Variants in MAF observed in about 807,000 individuals in gnomAD.
MAF encodes the protein MAF bZIP transcription factor, also known as transcription factor Maf.
In MAF, 10 loss-of-function variants were observed where a neutral mutation model predicts 22.0. The ratio of observed to expected loss-of-function variants is 0.45; its 90% CI spans 0.28 to 0.77. The LOEUF (loss-of-function observed/expected upper bound fraction) is 0.77. MAF is among the 30% of genes least tolerant of loss of function. The pLI, the probability that MAF is intolerant of heterozygous loss-of-function variation, is 0.12. For missense variants in MAF, 544 were observed against 548.4 expected, an observed-to-expected ratio of 0.99 and a Z score of 0.08; for synonymous variants, 337 against 255.8, an observed-to-expected ratio of 1.32 and a Z score of -3.03.
At chr16:79,445,433 AC>A in the MAF span, among the ~76,000 whole-genome samples, 2 of 152,294 alleles carry the variant, frequency 1.3e-5, no homozygotes, top group East Asian at 3.9e-4. Context: ...AACCCTTTTT[AC>A]AAATGAGGAG....
At chr16:79,293,906 G>T in the MAF span, among the ~76,000 whole-genome samples, 3 of 152,232 alleles carry the variant, frequency 2.0e-5, no homozygotes, top group Non-Finnish European at 4.4e-5. Context: ...CTCTATCTGA[G>T]AATGTGATCA....
chr16:79,542,601 T>C, the MAF span, among the ~76,000 whole-genome samples: 1 of 152,200 alleles, frequency 6.6e-6, no homozygotes, highest in African/African-American at 2.4e-5. Context: ...GTCTCCACTC[T>C]GGGTACAGTG....
At chr16:79,593,603 G>C (rs1013204429), downstream of MAF, among the ~76,000 whole-genome samples, 1 of 152,196 alleles carries the variant, frequency 6.6e-6, no homozygotes, top group Admixed American at 6.5e-5. Context: ...GGTAGTTATG[G>C]CTTTGAGACA....
chr16:79,459,174 C>T, the MAF span, among the ~76,000 whole-genome samples: 1 of 152,188 alleles, frequency 6.6e-6, no homozygotes, highest in Non-Finnish European at 1.5e-5. Context: ...CTGGGGTCAA[C>T]TACAGATTTG....
the MAF span, among the ~76,000 whole-genome samples, chr16:79,451,522 A>C: frequency 1.2e-4 from 18 of 152,192 alleles, no homozygotes; most frequent in Non-Finnish European, 2.4e-4. Flanking sequence ...AAGCTCTTTC[A>C]ATGTTATTTT....
chr16:79,243,595 G>T, the MAF span, among the ~76,000 whole-genome samples: 1 of 152,096 alleles, frequency 6.6e-6, no homozygotes, highest in East Asian at 1.9e-4. Flanking sequence ...ACGAAAAAAA[G>T]TCTAGGACCA....
At chr16:79,506,541 C>G in the MAF span, among the ~76,000 whole-genome samples, 1 of 152,180 alleles carries the variant, frequency 6.6e-6, no homozygotes, top group Non-Finnish European at 1.5e-5. Context: ...TGGGGAAGAC[C>G]TGAAACCAGG....
At chr16:79,470,754 C>T in the MAF span, among the ~76,000 whole-genome samples, 1 of 152,158 alleles carries the variant, frequency 6.6e-6, no homozygotes, top group Non-Finnish European at 1.5e-5. Context: ...CCATAGAAGG[C>T]ACTCCCTCTT....
At chr16:79,310,656 A>T in the MAF span, among the ~76,000 whole-genome samples, 8,596 of 152,030 alleles carry the variant, frequency 0.057, 512 homozygotes, top group East Asian at 0.22. Flanking sequence ...ACGAACTGAG[A>T]TCCCTTCTTT....
At chr16:79,552,258 G>C in the MAF span, among the ~76,000 whole-genome samples, 1 of 151,676 alleles carries the variant, frequency 6.6e-6, no homozygotes, top group Non-Finnish European at 1.5e-5. Flanking sequence ...GTGTCACCCA[G>C]ATTGGAGTGC....
At chr16:79,226,184 G>C in the MAF span, among the ~76,000 whole-genome samples, 2 of 152,182 alleles carry the variant, frequency 1.3e-5, no homozygotes, top group Non-Finnish European at 1.5e-5. Flanking sequence ...ATATACCATG[G>C]AATACTATGC....
At chr16:79,496,948 G>A in the MAF span, among the ~76,000 whole-genome samples, 1 of 152,172 alleles carries the variant, frequency 6.6e-6, no homozygotes, top group Non-Finnish European at 1.5e-5. Context: ...GAGAATATTG[G>A]TTGATGTAAT....
At chr16:79,589,537 A>G (rs1450572510), downstream of MAF, among the ~76,000 whole-genome samples, 1 of 152,196 alleles carries the variant, frequency 6.6e-6, no homozygotes, top group Non-Finnish European at 1.5e-5. Flanking sequence ...GAAAACTAAT[A>G]GAAGAAAAAT....
chr16:79,411,604 G>A, the MAF span, among the ~76,000 whole-genome samples: 25 of 152,168 alleles, frequency 1.6e-4, no homozygotes, highest in African/African-American at 6.0e-4. Context: ...ATAAATTGAG[G>A]TGAATCACCT....
chr16:79,432,021 G>A, the MAF span, among the ~76,000 whole-genome samples: 1 of 151,462 alleles, frequency 6.6e-6, no homozygotes, highest in South Asian at 2.1e-4. Flanking sequence ...CCTATGATGT[G>A]GTTTGACTGT....
At chr16:79,259,218 G>A in the MAF span, among the ~76,000 whole-genome samples, 17 of 152,240 alleles carry the variant, frequency 1.1e-4, no homozygotes, top group Non-Finnish European at 1.8e-4. Context: ...GCTCTGCTCA[G>A]TCCCCTTGGC....
Position 79,599,377 on chromosome 16 carries a change from C to T in MAF, c.526G>A (p.Gly176Ser). 2.0e-6 allele frequency: 2 copies of T among 1,007,218 alleles called. No individual in the cohort carries two copies. Among genetic ancestry groups the T allele is most frequent in the Non-Finnish European group, 2.4e-6 (2 of 846,236 alleles). 62.4% of individuals were successfully genotyped at this position (1,007,218 alleles called of 1,614,324 possible). The change falls in exon 1 of 2, where the codon GGC becomes AGC. Residue 176 changes from glycine (G) to serine (S), a missense_variant. This residue lies in a region of MAF where 342 missense variants were observed against 315.5 expected (regional missense o/e 1.08). Coordinates refer to ENST00000326043, the MANE Select transcript of MAF (RefSeq NM_005360.5). ...AVIAAAAAQSGAGPHYHHHHH... is the reference protein window; with the variant it reads ...AVIAAAAAQSSAGPHYHHHHH... ...TGGTGGTGGTAGTGCGGGCCCGCGC[C>T]GCTCTGCGCGGCGGCCGCGGCGATC...
the MAF span, among the ~76,000 whole-genome samples, chr16:79,408,059 T>C: frequency 8.8e-6 from 1 of 113,294 alleles, no homozygotes; most frequent in Non-Finnish European, 1.7e-5. Context: ...TAACTACATG[T>C]ATTTGGCTTT....
chr16:79,222,637 A>C, the MAF span, among the ~76,000 whole-genome samples: 3 of 152,306 alleles, frequency 2.0e-5, no homozygotes, highest in East Asian at 3.9e-4. Flanking sequence ...AACCCATCTC[A>C]CGTGCAGAGA....
Sources: gnomAD v4.1 joint callset for allele counts (sites outside exome capture counted in the v4.1 genomes callset) on GRCh38, gnomAD v4.1.1 for gene constraint, gnomAD v4.1.1 regional missense constraint, MANE v1.5 for transcripts, NCBI Gene and HGNC (gene_info 2026-07-23, HGNC 2026-07-21) for gene names.